MDFI: variants seen among roughly 807,000 people sequenced by gnomAD.
MDFI encodes the protein MyoD family inhibitor, also known as inhibitor of MyoD family a.
In MDFI, 16 loss-of-function variants were observed where a neutral mutation model predicts 22.3. The observed-to-expected ratio is 0.72, with a 90% confidence interval of 0.49 to 1.09. The LOEUF (loss-of-function observed/expected upper bound fraction) is 1.09, where lower values mean the gene tolerates loss of function less well. MDFI is among the 50% of genes least tolerant of loss of function. The probability of loss-of-function intolerance (pLI) is 0.00; values close to 1 mark genes in which losing one functional copy is unlikely to be tolerated. For missense variants in MDFI, 314 were observed against 326.1 expected, an observed-to-expected ratio of 0.96 and a Z score of 0.29; for synonymous variants, 145 against 142.7, an observed-to-expected ratio of 1.02 and a Z score of -0.12.
chr6:41,642,925 G>A (rs970214307), intron 2 of MDFI, among the ~76,000 whole-genome samples: 1 of 152,170 alleles, frequency 6.6e-6, no homozygotes, highest in Non-Finnish European at 1.5e-5. Flanking sequence ...GGCAGGTGGA[G>A]ATGTGAACTC....
rs983376820 is a variant in MDFI at position 41,649,758 on chromosome 6, C to T, written c.399C>T (p.His133=). Residue 133 remains histidine (H), a synonymous_variant, in exon 4 of 5, where the codon CAC becomes CAT. Transcript: ENST00000230321. ...AGGCCCACCGGAAGTTGCAGACACACCCATCTCTCGCCAGCCAGGGCAGCA... is the reference window on the plus strand; with the variant it reads ...AGGCCCACCGGAAGTTGCAGACACATCCATCTCTCGCCAGCCAGGGCAGCA... ...GPKAHRKLQT[H]PSLASQGSKK... is the part of the protein sequence containing the mutation. 7 of 1,614,020 alleles carry T rather than the reference C, an allele frequency of 4.3e-6. No individual in the cohort carries two copies. The highest frequency in any genetic ancestry group is 3.3e-5 in the Admixed American group (2 of 60,004).
In MDFI at chr6:41,649,770, C is replaced by T. The variant is rs774060212; in HGVS notation, c.411C>T (p.Ala137=). 6.2e-7 allele frequency: 1 copy of T among 1,614,140 alleles called. No individual in the cohort carries two copies. Among genetic ancestry groups the T allele is most frequent in the Non-Finnish European group, 8.5e-7 (1 of 1,180,018 alleles). Residue 137 remains alanine (A), a synonymous_variant, in exon 4 of 5, where the codon GCC becomes GCT. Coordinates refer to ENST00000230321, the MANE Select transcript of MDFI (RefSeq NM_005586.4). ...HRKLQTHPSL[A]SQGSKKSKSS... ...AGTTGCAGACACACCCATCTCTCGC[C>T]AGCCAGGGCAGCAAGAAGAGTAAGA...
At chr6:41,649,919 T>A in intron 4 of MDFI, 76 bp downstream of exon 4, 1 of 1,266,338 alleles carries the variant, frequency 7.9e-7, no homozygotes, top group Non-Finnish European at 1.1e-6. Flanking sequence ...ATGGGCCCAC[T>A]GGAGCACCTT....
Position 41,646,161 on chromosome 6 carries a change from G to T in MDFI, c.112G>T (p.Val38Leu). ...ATCCCTCCTTCCTGGGCTGGAGGTA[G>T]TAACAGGATCCACTCACCCTGCGGA... ...TLSLLPGLEV[V>L]TGSTHPAEAA... The change falls in exon 3 of 5, where the codon GTA becomes TTA. Residue 38 changes from valine (V) to leucine (L), a missense_variant. Val to Leu is a conservative substitution (Grantham distance 32). Coordinates refer to ENST00000230321, the MANE Select transcript of MDFI (RefSeq NM_005586.4). 6.4e-7 allele frequency: 1 copy of T among 1,570,746 alleles called. No individual in the cohort carries two copies. The highest frequency in any genetic ancestry group is 8.6e-7 in the Non-Finnish European group (1 of 1,159,890).
chr6:41,642,860 C>T (rs1465458834), intron 2 of MDFI, among the ~76,000 whole-genome samples: 2 of 152,212 alleles, frequency 1.3e-5, no homozygotes, highest in Non-Finnish European at 2.9e-5. Flanking sequence ...AGGTCACCAG[C>T]CCTGTAGGTG....
Position 41,654,241 on chromosome 6 carries a change from C to G in MDFI, c.*666C>G, listed in dbSNP as rs1177657986. 1 of 156,926 alleles carries G rather than the reference C, an allele frequency of 6.4e-6. No homozygotes were observed. The highest frequency in any genetic ancestry group is 2.4e-5 in the African/African-American group (1 of 41,496). The allele number at this position is 156,926 out of a possible 1,614,324, so 9.7% of individuals were successfully genotyped here. A position where few individuals can be genotyped will look rare whatever the true frequency, so the allele number is the denominator to read the frequency against. ...GCTGTAAATAAAGATATTTGTCCAT[C>G]TCAGATTTCCTCAGGACTCATGACT... On this transcript the variant is annotated 3_prime_UTR_variant, in exon 5 of 5. Transcript: ENST00000230321.
In MDFI at chr6:41,646,258, C is replaced by T. The variant is rs1768049621; in HGVS notation, c.209C>T (p.Pro70Leu). Residue 70 changes from proline (P) to leucine (L), a missense_variant, in exon 3 of 5, where the codon CCC becomes CTC. Pro to Leu is a moderately conservative substitution (Grantham distance 98, BLOSUM62 -3). Coordinates refer to ENST00000230321, the MANE Select transcript of MDFI (RefSeq NM_005586.4). ...CCCCAAGGCAATGGCCCTGGCATCC[C>T]CCAGGGCCTGGACAGCACTGACCTC... ...PMPQGNGPGI[P>L]QGLDSTDLDV... is the part of the protein sequence containing the mutation. 1 of 1,569,594 alleles carries T rather than the reference C, an allele frequency of 6.4e-7. No homozygotes were observed. The highest frequency in any genetic ancestry group is 1.9e-5 in the Admixed American group (1 of 52,384).
Position 41,649,686 on chromosome 6 carries a change from G to A in MDFI, c.327G>A (p.Glu109=). 2 of 1,613,816 alleles carry A rather than the reference G, an allele frequency of 1.2e-6. No individual in the cohort carries two copies. The highest frequency in any genetic ancestry group is 1.7e-6 in the Non-Finnish European group (2 of 1,179,874). The change falls in exon 4 of 5, where the codon GAG becomes GAA. Residue 109 remains glutamate (E), a synonymous_variant. Transcript: ENST00000230321. ...LLPNDSGHPS[E]LGGTRRAGNG... is the part of the protein sequence containing the mutation. ...CGAATGACTCTGGCCACCCCTCAGA[G>A]CTGGGCGGCACCAGACGGGCGGGGA...
At chr6:41,646,579 C>T (rs1246476730) in intron 3 of MDFI, among the ~76,000 whole-genome samples, 1 of 152,172 alleles carries the variant, frequency 6.6e-6, no homozygotes, top group Non-Finnish European at 1.5e-5. Flanking sequence ...GAGAGAGGCA[C>T]CCCCTGCCTC....
chr6:41,644,286 G>A (rs72863067), intron 2 of MDFI, among the ~76,000 whole-genome samples: 16,142 of 152,196 alleles, frequency 0.11, 1,088 homozygotes, highest in African/African-American at 0.19. Context: ...CCCTGCCTCC[G>A]TGGAGCCATG....
chr6:41,650,188 T>TA (rs1214349864), intron 4 of MDFI: 1 of 230,416 alleles, frequency 4.3e-6, no homozygotes, highest in African/African-American at 2.3e-5. Flanking sequence ...TGATCCATCT[T>TA]AAGCCACTCT....
intron 2 of MDFI, chr6:41,639,316 T>C (rs1189096425): frequency 3.0e-6 from 3 of 985,208 alleles, no homozygotes; most frequent in African/African-American, 3.5e-5. Context: ...CTCCCCTCTT[T>C]CTTGCCATCC....
chr6:41,646,400 C>T (rs993891119), intron 3 of MDFI, 92 bp downstream of exon 3: 2 of 1,173,614 alleles, frequency 1.7e-6, no homozygotes, highest in Admixed American at 3.9e-5. Flanking sequence ...TGGGTGCACC[C>T]GCTTGGCCAG....
intron 3 of MDFI, among the ~76,000 whole-genome samples, 192 bp from the exon 4 acceptor site, chr6:41,649,427 C>A (rs2127434239): frequency 6.6e-6 from 1 of 152,368 alleles, no homozygotes; most frequent in East Asian, 1.9e-4. Context: ...CTAGGCCCAA[C>A]TCAATTTCAT....
intron 2 of MDFI, chr6:41,639,122 GTGTC>G: frequency 1.8e-6 from 1 of 560,862 alleles, no homozygotes; most frequent in Non-Finnish European, 2.3e-6. Flanking sequence ...ACACTCCGCG[GTGTC>G]TGTCCGTCTG....
intron 2 of MDFI, among the ~76,000 whole-genome samples, chr6:41,643,660 AG>A (rs1387040535): frequency 5.5e-5 from 8 of 146,708 alleles, no homozygotes; most frequent in African/African-American, 1.3e-4. Context: ...TAAAAAAAAA[AG>A]AGAGAGAGAA....
intron 2 of MDFI, among the ~76,000 whole-genome samples, chr6:41,641,659 G>A (rs773036297): frequency 3.3e-5 from 5 of 152,154 alleles, no homozygotes; most frequent in East Asian, 1.9e-4. Context: ...CTCCAGAGAC[G>A]GTCAGAGTTC....
At chr6:41,640,023 C>A in intron 2 of MDFI, 1 of 792,692 alleles carries the variant, frequency 1.3e-6, no homozygotes, top group Non-Finnish European at 1.5e-6. Flanking sequence ...GCCAGTGTGT[C>A]TACAGCCCAT....
chr6:41,647,048 C>T (rs1365398074), intron 3 of MDFI, among the ~76,000 whole-genome samples: 1 of 152,244 alleles, frequency 6.6e-6, no homozygotes, highest in Non-Finnish European at 1.5e-5. Flanking sequence ...CAGTGCCTGC[C>T]TGCATGCCCA....
Sources: gnomAD v4.1 joint callset for allele counts (sites outside exome capture counted in the v4.1 genomes callset) on GRCh38, gnomAD v4.1.1 for gene constraint, MANE v1.5 for transcripts, NCBI Gene and HGNC (gene_info 2026-07-23, HGNC 2026-07-21) for gene names.